ZFYVE26: variants seen among roughly 807,000 people sequenced by gnomAD.
ZFYVE26 encodes the protein zinc finger FYVE domain-containing protein 26.
In ZFYVE26, 181 loss-of-function variants were observed where a neutral mutation model predicts 276.5. The ratio of observed to expected loss-of-function variants is 0.65; its 90% CI spans 0.58 to 0.74. The LOEUF (loss-of-function observed/expected upper bound fraction) is 0.74, where lower values mean the gene tolerates loss of function less well. Among genes scored for constraint, ZFYVE26 ranks in the 30% least tolerant of loss-of-function variants. ZFYVE26 has a pLI of 0.00. For synonymous variants in ZFYVE26, 1,129 were observed against 1,203.1 expected (o/e 0.94, Z 1.27); for missense variants, 2,821 against 3,097.9 (o/e 0.91, Z 2.12).
intron 10 of ZFYVE26, among the ~76,000 whole-genome samples, chr14:67,799,838 A>G (rs2040042811): frequency 6.6e-6 from 1 of 152,208 alleles, no homozygotes; most frequent in Middle Eastern, 3.4e-3. Context: ...TGGTGGTGAC[A>G]ATTGGGAGGG....
In ZFYVE26 at chr14:67,798,548, G is replaced by T. The variant is rs750682496; in HGVS notation, c.1714C>A (p.Leu572Met). ...GAGAAGATGTTTTCCAGAAGCTCCA[G>T]GCACAGAGAGTCAGGAATACTGCAC... ...YLCSIPDSLC[L>M]ELLENIFSLL... The change falls in exon 11 of 42, where the codon CTG (leucine) becomes ATG (methionine). Residue 572 changes from leucine to methionine, a missense_variant. By Grantham distance (15) the Leu-to-Met change is conservative (BLOSUM62 2). Coordinates refer to ENST00000347230, the MANE Select transcript of ZFYVE26 (RefSeq NM_015346.4). 1.1e-5 allele frequency: 17 copies of T among 1,614,020 alleles called. No homozygotes were observed. The East Asian group carries it at 3.6e-4, about 34-fold the overall frequency.
At chr14:67,779,486 C>T (rs778895844) in intron 23 of ZFYVE26, among the ~76,000 whole-genome samples, 14 of 152,190 alleles carry the variant, frequency 9.2e-5, no homozygotes, top group East Asian at 1.9e-4. Context: ...CATCTGAACC[C>T]GGGAGGCGGA....
At chr14:67,744,282 G>A (rs113242398), downstream of ZFYVE26, among the ~76,000 whole-genome samples, 8 of 151,940 alleles carry the variant, frequency 5.3e-5, no homozygotes, top group African/African-American at 1.9e-4. Flanking sequence ...GTTTAGAGTG[G>A]GTGTTCCAAC....
In ZFYVE26 at chr14:67,802,218, G is replaced by A; in HGVS notation, c.1500C>T (p.Gly500=). ...AGATGGCATACTTCATGGCACAGAA[G>A]CCCTGGTAGAGTGTCAGGTTCTGAC... ...SQCQNLTLYQ[G]FCAMKYAIYA... Residue 500 remains glycine (G), a synonymous_variant, in exon 10 of 42, where the codon GGC becomes GGT. Transcript: ENST00000347230. 1 of 1,614,226 alleles carries A rather than the reference G, an allele frequency of 6.2e-7. No homozygotes were observed. The highest frequency in any genetic ancestry group is 8.5e-7 in the Non-Finnish European group (1 of 1,180,048).
At chr14:67,755,025 C>T (rs777257712) in intron 37 of ZFYVE26, 26 bp downstream of exon 37, 2 of 1,612,836 alleles carry the variant, frequency 1.2e-6, no homozygotes, top group South Asian at 2.2e-5. Flanking sequence ...TGCCCCACAC[C>T]AATAGTCCCC....
At chr14:67,756,408 C>A (rs370064561) in intron 35 of ZFYVE26, 1 of 526,072 alleles carries the variant, frequency 1.9e-6, no homozygotes, top group East Asian at 3.5e-5. Context: ...TTCTCTTGAA[C>A]CCACTCTAAT....
Position 67,802,218 on chromosome 14 carries a change from G to T in ZFYVE26, c.1500C>A (p.Gly500=). 6.2e-7 allele frequency: 1 copy of T among 1,614,226 alleles called. No individual in the cohort carries two copies. The highest frequency in any genetic ancestry group is 8.5e-7 in the Non-Finnish European group (1 of 1,180,048). The part of the protein sequence containing the change: ...SQCQNLTLYQ[G]FCAMKYAIYA... ...AGATGGCATACTTCATGGCACAGAA[G>T]CCCTGGTAGAGTGTCAGGTTCTGAC... The change falls in exon 10 of 42, where the codon GGC becomes GGA. Residue 500 remains glycine (G), a synonymous_variant. Coordinates refer to ENST00000347230, the MANE Select transcript of ZFYVE26 (RefSeq NM_015346.4).
chr14:67,765,820 A>G (rs773205323), intron 32 of ZFYVE26, among the ~76,000 whole-genome samples: 1 of 152,234 alleles, frequency 6.6e-6, no homozygotes, highest in Non-Finnish European at 1.5e-5. Context: ...GAATTTGGTC[A>G]GGATTGGAGT....
chr14:67,790,804 G>C (rs765840968), intron 14 of ZFYVE26, 31 bp from the exon 15 acceptor site: 10 of 1,584,518 alleles, frequency 6.3e-6, no homozygotes, highest in Non-Finnish European at 7.8e-6. Flanking sequence ...TGTGGGCCCT[G>C]GTGGTCCCAC....
chr14:67,763,077 A>AT (rs1307131071), intron 32 of ZFYVE26, among the ~76,000 whole-genome samples: 2 of 151,884 alleles, frequency 1.3e-5, no homozygotes, highest in Admixed American at 6.6e-5. Flanking sequence ...TAGTTTTTGT[A>AT]TTTTTTTAAT....
At chr14:67,784,022 C>T (rs1286646706) in intron 20 of ZFYVE26, among the ~76,000 whole-genome samples, 1 of 152,202 alleles carries the variant, frequency 6.6e-6, no homozygotes, top group Non-Finnish European at 1.5e-5. Flanking sequence ...GTCCCACTTG[C>T]ATTCTCTGAG....
chr14:67,755,362 A>C, intron 36 of ZFYVE26, 112 bp from the exon 37 acceptor site: 1 of 1,225,528 alleles, frequency 8.2e-7, no homozygotes, highest in Non-Finnish European at 1.2e-6. Flanking sequence ...TCCAGCACCC[A>C]CTCCCACCAC....
Position 67,784,320 on chromosome 14 carries a change from G to T in ZFYVE26, c.3626+14C>A. ...CGAAGGCCCATGGCTGACTTGCATG[G>T]AGGTGGCTCCTACCTCTCTGGGGGA... On this transcript the variant is annotated intron_variant, in intron 20 of 41. Coordinates refer to ENST00000347230, the MANE Select transcript of ZFYVE26 (RefSeq NM_015346.4). 1 of 1,610,686 alleles carries T rather than the reference G, an allele frequency of 6.2e-7. No individual in the cohort carries two copies. Among genetic ancestry groups the T allele is most frequent in the Middle Eastern group, 1.7e-4 (1 of 6,056 alleles).
In ZFYVE26 at chr14:67,769,749, A is replaced by T. The variant is rs2039156630; in HGVS notation, c.5485-19T>A. ...TGTTAAACTGAGGAATGCCATCAGG[A>T]GGAGAAGAAAGAGGGAGGAGAGAAG... On this transcript the variant is annotated intron_variant, in intron 28 of 41. Transcript: ENST00000347230. 1 of 1,613,834 alleles carries T rather than the reference A, an allele frequency of 6.2e-7. No homozygotes were observed. Among genetic ancestry groups the T allele is most frequent in the South Asian group, 1.1e-5 (1 of 91,080 alleles).
chr14:67,763,005 C>A (rs1163091138), intron 32 of ZFYVE26, among the ~76,000 whole-genome samples, 186 bp from the exon 33 acceptor site: 1 of 152,212 alleles, frequency 6.6e-6, no homozygotes, highest in Admixed American at 6.5e-5. Context: ...TGGGTTCAAA[C>A]GATTCTTCTG....
In ZFYVE26 at chr14:67,735,275, G is replaced by T. The variant is rs572258107; in HGVS notation, n.2680-5456C>A. ...CCCTCAGCACTACTCCTTCAGAATC[G>T]CCTCGTGCTCAGGCTACATCTCACC... On this transcript the variant is annotated intron_variant and non_coding_transcript_variant, in intron 13 of 14. Transcript: ENST00000394455. 13 of 984,740 alleles carry T rather than the reference G, an allele frequency of 1.3e-5. No individual in the cohort carries two copies. The African/African-American group carries it at 2.1e-4, about 16-fold the overall frequency. The allele number at this position is 984,740 out of a possible 1,614,324, so 61.0% of individuals were successfully genotyped here. A position where few individuals can be genotyped will look rare whatever the true frequency, so the allele number is the denominator to read the frequency against.
intron 20 of ZFYVE26, among the ~76,000 whole-genome samples, chr14:67,783,752 T>G (rs755263270): frequency 1.3e-5 from 2 of 152,220 alleles, no homozygotes; most frequent in Non-Finnish European, 2.9e-5. Flanking sequence ...GAGAGGACCC[T>G]CTTTAGTTTT....
At chr14:67,769,763 GGAGGA>G (rs767418447) in intron 28 of ZFYVE26, 33 bp from the exon 29 acceptor site, 1 of 1,613,692 alleles carries the variant, frequency 6.2e-7, no homozygotes, top group Admixed American at 1.7e-5. Flanking sequence ...GAAGAAAGAG[GGAGGA>G]GAGAAGGGGA....
At chr14:67,780,425 TG>T in intron 22 of ZFYVE26, 80 bp from the exon 23 acceptor site, 1 of 1,273,316 alleles carries the variant, frequency 7.9e-7, no homozygotes, top group East Asian at 2.5e-5. Flanking sequence ...TGTCCACAGA[TG>T]GGCCATCCCT....
Sources: allele counts gnomAD v4.1 joint callset (sites outside exome capture counted in the v4.1 genomes callset), GRCh38; gene constraint gnomAD v4.1.1; transcripts MANE v1.5; gene names NCBI Gene and HGNC (gene_info 2026-07-23, HGNC 2026-07-21).